NIPBL: variants seen among roughly 807,000 people sequenced by gnomAD.
The protein encoded by NIPBL is NIPBL cohesin loading factor.
In NIPBL, 19 loss-of-function variants were observed where a neutral mutation model predicts 321.8. The ratio of observed to expected loss-of-function variants is 0.06; its 90% CI spans 0.04 to 0.09. NIPBL has a LOEUF of 0.09. Ranked by LOEUF, NIPBL falls within the 10% of genes least tolerant of loss-of-function variation. The pLI is 1.00. For missense variants in NIPBL, 2,210 were observed against 3,327.0 expected, an observed-to-expected ratio of 0.66 and a Z score of 8.26; for synonymous variants, 1,106 against 1,114.1, an observed-to-expected ratio of 0.99 and a Z score of 0.14.
At chr5:36,942,996 A>T (rs544998618) in intron 1 of NIPBL, among the ~76,000 whole-genome samples, 3 of 150,874 alleles carry the variant, frequency 2.0e-5, no homozygotes, top group South Asian at 2.1e-4. Flanking sequence ...ATCTTTAGTT[A>T]AAAAAAAACC....
chr5:36,959,991 G>T (rs1406210749), intron 4 of NIPBL, among the ~76,000 whole-genome samples: 5 of 151,930 alleles, frequency 3.3e-5, no homozygotes, highest in Admixed American at 3.3e-4. Flanking sequence ...CTGGCACTTG[G>T]GAGGCCAAGG....
chr5:37,036,349 A>ATATATATATATATATATG (rs1751691429), intron 32 of NIPBL, 30 bp from the exon 33 acceptor site: 8 of 61,206 alleles, frequency 1.3e-4, no homozygotes, highest in African/African-American at 3.8e-4. Context: ...ATATATATGT[A>ATATATATATATATATATG]TATATATATA....
rs1224827953 is a variant in NIPBL at position 36,953,602 on chromosome 5, GT to G, written c.-79-12del. The G allele has an allele frequency of 7.4e-6, 7 of 947,006 alleles. No individual in the cohort carries two copies. The highest frequency in any genetic ancestry group is 1.6e-5 in the African/African-American group (1 of 62,172). 58.7% of individuals were successfully genotyped at this position (947,006 alleles called of 1,614,324 possible). On this transcript the variant is annotated splice_polypyrimidine_tract_variant and intron_variant, in intron 1 of 46. Coordinates refer to ENST00000282516, the MANE Select transcript of NIPBL (RefSeq NM_133433.4). ...GACATATCTCTACAAATAATTGTCT[GT>G]TTTGTGTGTTGCAGTGTTTGGGAAA... is the stretch of plus-strand genomic sequence containing the variant.
At chr5:37,038,565 A>G (rs1204732073) in intron 33 of NIPBL, 37 bp from the exon 34 acceptor site, 5 of 1,599,854 alleles carry the variant, frequency 3.1e-6, no homozygotes, top group Non-Finnish European at 4.3e-6. Context: ...CTACCTTGTC[A>G]TATTTTAGTG....
chr5:37,024,861 A>G, intron 30 of NIPBL, 142 bp downstream of exon 30: 1 of 663,300 alleles, frequency 1.5e-6, no homozygotes, highest in Non-Finnish European at 2.4e-6. Flanking sequence ...AAAAATACAT[A>G]CTTTAATTTT....
intron 1 of NIPBL, among the ~76,000 whole-genome samples, chr5:36,926,737 A>G (rs191814661): frequency 3.3e-5 from 5 of 152,332 alleles, no homozygotes; most frequent in African/African-American, 1.2e-4. Flanking sequence ...TTTTGTGGGT[A>G]CATAGTAAGT....
intron 6 of NIPBL, among the ~76,000 whole-genome samples, chr5:36,969,180 C>T (rs1037188831): frequency 6.6e-6 from 1 of 152,058 alleles, no homozygotes; most frequent in Admixed American, 6.5e-5. Context: ...AAGAGTTATG[C>T]CATCTTCATG....
intron 6 of NIPBL, among the ~76,000 whole-genome samples, chr5:36,969,791 T>G (rs1465192467): frequency 2.0e-5 from 3 of 152,128 alleles, no homozygotes; most frequent in Non-Finnish European, 4.4e-5. Context: ...ACCCTTAGAA[T>G]GATAAAAATT....
In NIPBL at chr5:36,958,205, G is replaced by A. The variant is rs587783920; in HGVS notation, c.332G>A (p.Ser111Asn). The A allele has an allele frequency of 1.2e-6, 2 of 1,613,640 alleles. No homozygotes were observed. The highest frequency in any genetic ancestry group is 1.7e-5 in the Admixed American group (1 of 60,000). ...AGTCCTAATGTTTTCAGGGAGAAAAGCATGCAGAACAGATATGTACAAAGT... is the reference window on the plus strand; with the variant it reads ...AGTCCTAATGTTTTCAGGGAGAAAAACATGCAGAACAGATATGTACAAAGT... ...ARSPNVFREK[S>N]MQNRYVQSGM... The change falls in exon 4 of 47, where the codon AGC becomes AAC. Residue 111 changes from serine (S) to asparagine (N), a missense_variant. This residue lies in a region of NIPBL where 464 missense variants were observed against 529.5 expected (regional missense o/e 0.88). Coordinates refer to ENST00000282516, the MANE Select transcript of NIPBL (RefSeq NM_133433.4).
At chr5:36,930,543 T>C (rs556040290) in intron 1 of NIPBL, among the ~76,000 whole-genome samples, 3 of 152,118 alleles carry the variant, frequency 2.0e-5, no homozygotes, top group African/African-American at 7.2e-5. Context: ...AATATCTTTT[T>C]AAGTTTTTTT....
chr5:36,976,341 G>A lies in NIPBL; in HGVS notation c.1434G>A (p.Glu478=), dbSNP rs750562280. The A allele has an allele frequency of 8.1e-6, 13 of 1,612,606 alleles. No individual in the cohort carries two copies. Among genetic ancestry groups the A allele is most frequent in the South Asian group, 1.1e-5 (1 of 91,052 alleles). Residue 478 remains glutamate, a synonymous_variant, in exon 9 of 47, where the codon GAG becomes GAA. Transcript: ENST00000282516. ...EVELDALAEI[E]RIERESAIER... is the part of the protein sequence containing the mutation. The stretch of plus-strand genomic sequence containing the variant: ...AATTGGATGCATTGGCTGAAATTGA[G>A]CGAATAGAGAGAGAATCAGCTATTG...
At chr5:37,014,521 G>A (rs1748696708) in intron 21 of NIPBL, among the ~76,000 whole-genome samples, 162 bp from the exon 22 acceptor site, 1 of 151,908 alleles carries the variant, frequency 6.6e-6, no homozygotes, top group Admixed American at 6.6e-5. Flanking sequence ...TTTAAAATAT[G>A]CTTAGTGTGC....
At chr5:36,920,225 A>T (rs1748826725) in intron 1 of NIPBL, among the ~76,000 whole-genome samples, 1 of 152,214 alleles carries the variant, frequency 6.6e-6, no homozygotes, top group South Asian at 2.1e-4. Flanking sequence ...ATGATGACAG[A>T]ACTTGTAACG....
chr5:36,996,555 C>G lies in NIPBL; in HGVS notation c.3304+751C>G. ...ACTAGACTTGCTATACCTCGCCTGT[C>G]TTCCTACTGGTCCACTGAAAAAGTT... On this transcript the variant is annotated intron_variant, in intron 11 of 46. Coordinates refer to ENST00000282516, the MANE Select transcript of NIPBL (RefSeq NM_133433.4). The surrounding 1 kb of genome is among the most constrained non-coding windows in gnomAD (Gnocchi z 5.0). 1 of 456,112 alleles carries G rather than the reference C, an allele frequency of 2.2e-6. No homozygotes were observed. The highest frequency in any genetic ancestry group is 1.6e-5 in the South Asian group (1 of 64,470). The allele number at this position is 456,112 out of a possible 1,614,324, so 28.3% of individuals were successfully genotyped here. A position where few individuals can be genotyped will look rare whatever the true frequency, so the allele number is the denominator to read the frequency against.
chr5:37,051,756 G>A lies in NIPBL; in HGVS notation c.6955-23G>A, dbSNP rs769735213. Reference sequence around the variant, plus strand: ...AGAATTTTTACTACCATGATATCTCGTAATTTTTTTTTTTATTTCCAGTGT... The same window carrying A: ...AGAATTTTTACTACCATGATATCTCATAATTTTTTTTTTTATTTCCAGTGT... On this transcript the variant is annotated intron_variant, in intron 40 of 46. Coordinates refer to ENST00000282516, the MANE Select transcript of NIPBL (RefSeq NM_133433.4). 33 of 1,502,938 alleles carry A rather than the reference G, an allele frequency of 2.2e-5. No individual in the cohort carries two copies. In the Middle Eastern group the frequency reaches 5.1e-4, roughly 23 times the overall value. The allele number at this position is 1,502,938 out of a possible 1,614,324, so 93.1% of individuals were successfully genotyped here. A position where few individuals can be genotyped will look rare whatever the true frequency, so the allele number is the denominator to read the frequency against.
chr5:36,986,305 A>G lies in NIPBL; in HGVS notation c.3121+4A>G. ...AAACCATCAAAGTCAAATAAAGGTA[A>G]GAATACTTCTACTGATGTCATTTAT... On this transcript the variant is annotated splice_donor_region_variant and intron_variant, in intron 10 of 46. Transcript: ENST00000282516. 6.7e-7 allele frequency: 1 copy of G among 1,484,876 alleles called. No homozygotes were observed. The highest frequency in any genetic ancestry group is 9.0e-7 in the Non-Finnish European group (1 of 1,116,810). The allele number at this position is 1,484,876 out of a possible 1,614,324, so 92.0% of individuals were successfully genotyped here. A position where few individuals can be genotyped will look rare whatever the true frequency, so the allele number is the denominator to read the frequency against.
At chr5:36,971,132 A>T in intron 7 of NIPBL, 96 bp downstream of exon 7, 1 of 934,656 alleles carries the variant, frequency 1.1e-6, no homozygotes, top group Non-Finnish European at 1.7e-6. Flanking sequence ...TACCTACCGT[A>T]TATCATTATA....
At chr5:36,937,263 CCTT>C (rs1738534593) in intron 1 of NIPBL, among the ~76,000 whole-genome samples, 2 of 152,118 alleles carry the variant, frequency 1.3e-5, no homozygotes, top group South Asian at 2.1e-4. Context: ...CATAAAATCA[CCTT>C]CTCATTTATT....
intron 1 of NIPBL, among the ~76,000 whole-genome samples, chr5:36,893,503 A>G (rs562512304): frequency 2.6e-5 from 4 of 151,078 alleles, no homozygotes; most frequent in Admixed American, 2.6e-4. Context: ...TTTTTTTTTC[A>G]AACTTTAATC....
Sources: allele counts gnomAD v4.1 joint callset (sites outside exome capture counted in the v4.1 genomes callset), GRCh38; gene constraint gnomAD v4.1.1; regional missense constraint gnomAD v4.1.1; non-coding constraint Gnocchi (gnomAD v3.1); transcripts MANE v1.5; gene names NCBI Gene and HGNC (gene_info 2026-07-23, HGNC 2026-07-21).